PPP1R42: variants seen among roughly 807,000 people sequenced by gnomAD.
PPP1R42 encodes leucine rich repeat containing 67.
A neutral mutation model predicts 31.0 loss-of-function variants in PPP1R42; 34 were observed. That is an observed-to-expected ratio of 1.10 (90% CI 0.83 to 1.46). The LOEUF (loss-of-function observed/expected upper bound fraction) is 1.46, where lower values mean the gene tolerates loss of function less well. Ranked by LOEUF, PPP1R42 falls within the 40% of genes most tolerant of loss-of-function variation. The pLI is 0.00. For missense variants in PPP1R42, 268 were observed against 303.0 expected (o/e 0.88, Z 0.86); for synonymous variants, 103 against 109.8 (o/e 0.94, Z 0.39).
rs150210033 is a variant in PPP1R42, at chr8:66,978,994, C to G, written c.802+3055G>C. ...ATGAATAGTTTACAGATATTTTCCC[C>G]ATTCTATAGGTTGTCTTTTCACTCT... On this transcript the variant is annotated intron_variant, in intron 7 of 7. Coordinates refer to ENST00000685739, the MANE Select transcript of PPP1R42 (RefSeq NM_001364910.1). 1.1e-3 allele frequency among the ~76,000 whole-genome samples: 169 copies of G among 152,178 alleles called. 1 individual carries two copies. Among genetic ancestry groups the G allele is most frequent in the African/African-American group, 3.7e-3 (155 of 41,516 alleles).
At chr8:66,966,410 A>G (rs967358687) in intron 7 of PPP1R42, among the ~76,000 whole-genome samples, 3 of 152,094 alleles carry the variant, frequency 2.0e-5, no homozygotes, top group African/African-American at 7.2e-5. Context: ...GGTCCTTCTG[A>G]TTGTACCTCT....
chr8:67,017,592 A>G, intron 2 of PPP1R42, 27 bp downstream of exon 2: 1 of 1,240,346 alleles, frequency 8.1e-7, no homozygotes, highest in Non-Finnish European at 1.1e-6. Context: ...AATTATATAA[A>G]ATAGGAAATA....
At chr8:66,966,513 C>T (rs879429402) in intron 7 of PPP1R42, among the ~76,000 whole-genome samples, 28 of 152,080 alleles carry the variant, frequency 1.8e-4, no homozygotes, top group African/African-American at 6.0e-4. Context: ...AGGCTGGGTG[C>T]GGTGGTTCAC....
At chr8:66,970,977 C>G in intron 7 of PPP1R42, 1 of 1,517,042 alleles carries the variant, frequency 6.6e-7, no homozygotes, top group Non-Finnish European at 8.8e-7. Context: ...TTGAAAGAAC[C>G]TACCCCATCT....
Position 67,017,621 on chromosome 8 carries a change from T to A in PPP1R42, c.127A>T (p.Ile43Phe). 1 of 1,454,354 alleles carries A rather than the reference T, an allele frequency of 6.9e-7. No individual in the cohort carries two copies. The allele number at this position is 1,454,354 out of a possible 1,614,324, so 90.1% of individuals were successfully genotyped here. A position where few individuals can be genotyped will look rare whatever the true frequency, so the allele number is the denominator to read the frequency against. Residue 43 changes from isoleucine (I) to phenylalanine (F), a missense_variant and splice_region_variant, in exon 2 of 8, where the codon ATT becomes TTT. Ile to Phe is a conservative substitution (Grantham distance 21, BLOSUM62 0). Transcript: ENST00000685739. ...INFSDKNIDA[I>F]EDLSLCKNLS... Reference sequence around the variant, plus strand: ...GGAAATAATTTCAAAGTTCTTACAATTGCATCTATATTTTTGTCTGAAAAA... The same window carrying A: ...GGAAATAATTTCAAAGTTCTTACAAATGCATCTATATTTTTGTCTGAAAAA...
At chr8:66,975,754 T>A (rs569320139) in intron 7 of PPP1R42, among the ~76,000 whole-genome samples, 170 of 152,278 alleles carry the variant, frequency 1.1e-3, no homozygotes, top group African/African-American at 3.8e-3. Context: ...AGTTGAGACA[T>A]AATTGTACAT....
chr8:66,980,110 C>T (rs1235090459), intron 7 of PPP1R42, among the ~76,000 whole-genome samples: 1 of 152,138 alleles, frequency 6.6e-6, no homozygotes, highest in East Asian at 1.9e-4. Flanking sequence ...TACCTTCTGA[C>T]TATTTTAGAA....
chr8:67,009,584 AT>A (rs1815785295), intron 5 of PPP1R42, among the ~76,000 whole-genome samples: 1 of 152,128 alleles, frequency 6.6e-6, no homozygotes, highest in Non-Finnish European at 1.5e-5. Context: ...GAAAAAAAAA[AT>A]GTAAAATATA....
intron 5 of PPP1R42, among the ~76,000 whole-genome samples, chr8:66,999,183 G>A (rs1815414401): frequency 6.6e-6 from 1 of 151,794 alleles, no homozygotes; most frequent in Non-Finnish European, 1.5e-5. Context: ...TCAGCCTCCT[G>A]TGTAGCTGGG....
At chr8:67,005,843 T>G (rs922289364) in intron 5 of PPP1R42, among the ~76,000 whole-genome samples, 1 of 143,404 alleles carries the variant, frequency 7.0e-6, no homozygotes, top group Non-Finnish European at 1.6e-5. Context: ...TAGAGAATTG[T>G]TTTTTTTTTT....
At chr8:67,000,406 T>C (rs1371390003) in intron 5 of PPP1R42, among the ~76,000 whole-genome samples, 2 of 152,224 alleles carry the variant, frequency 1.3e-5, no homozygotes, top group African/African-American at 4.8e-5. Flanking sequence ...TCAAGTATTT[T>C]CTAATTTTCT....
At chr8:67,011,098 C>T (rs1815831232) in intron 4 of PPP1R42, among the ~76,000 whole-genome samples, 1 of 150,880 alleles carries the variant, frequency 6.6e-6, no homozygotes, top group Non-Finnish European at 1.5e-5. Context: ...ACAAAATAAA[C>T]TTATAGAATA....
chr8:66,981,952 C>T (rs1814854635), intron 7 of PPP1R42, 97 bp downstream of exon 7: 2 of 1,209,568 alleles, frequency 1.7e-6, no homozygotes, highest in Non-Finnish European at 2.1e-6. Flanking sequence ...CAACAAAAAA[C>T]TAAACAAAAA....
At chr8:67,019,083 G>C (rs1211025847) in intron 1 of PPP1R42, among the ~76,000 whole-genome samples, 2 of 148,928 alleles carry the variant, frequency 1.3e-5, no homozygotes, top group Non-Finnish European at 3.0e-5. Context: ...CAATTGGCCT[G>C]CCTCGGCCTC....
chr8:67,027,872 G>A (rs1462685201), intron 1 of PPP1R42, among the ~76,000 whole-genome samples: 4 of 151,934 alleles, frequency 2.6e-5, no homozygotes, highest in African/African-American at 7.3e-5. Flanking sequence ...CCAGGCCACC[G>A]GTGGGAACAG....
intron 5 of PPP1R42, 92 bp downstream of exon 5, chr8:67,010,623 A>T: frequency 1.2e-6 from 1 of 840,572 alleles, no homozygotes; most frequent in Non-Finnish European, 1.9e-6. Flanking sequence ...AGTAGTTTTT[A>T]ATGTGATATA....
chr8:66,989,496 C>G (rs1219160779), intron 5 of PPP1R42, among the ~76,000 whole-genome samples: 6 of 152,040 alleles, frequency 3.9e-5, no homozygotes, highest in Admixed American at 1.3e-4. Flanking sequence ...TATAAGTGGC[C>G]AAAGTTCTGT....
At chr8:66,999,387 ATTT>A (rs1815420726) in intron 5 of PPP1R42, among the ~76,000 whole-genome samples, 1 of 152,116 alleles carries the variant, frequency 6.6e-6, no homozygotes, top group Non-Finnish European at 1.5e-5. Flanking sequence ...CACCCAGCTA[ATTT>A]TTTTATTTTT....
intron 7 of PPP1R42, among the ~76,000 whole-genome samples, chr8:66,978,671 G>A (rs1184919489): frequency 6.6e-6 from 1 of 152,126 alleles, no homozygotes; most frequent in African/African-American, 2.4e-5. Context: ...ACCCACCTCA[G>A]CTTCCCAAAA....
Sources: allele counts gnomAD v4.1 joint callset (sites outside exome capture counted in the v4.1 genomes callset), GRCh38; gene constraint gnomAD v4.1.1; transcripts MANE v1.5; gene names NCBI Gene and HGNC (gene_info 2026-07-23, HGNC 2026-07-21).